Variants in XKR4 observed in about 807,000 individuals in gnomAD.
XKR4 encodes the protein XK-related protein 4.
A neutral mutation model predicts 53.9 loss-of-function variants in XKR4; 12 were observed. That is an observed-to-expected ratio of 0.22 (90% CI 0.14 to 0.36). XKR4 has a LOEUF of 0.36. Ranked by LOEUF, XKR4 falls within the 10% of genes least tolerant of loss-of-function variation. The pLI, the probability that XKR4 is intolerant of heterozygous loss-of-function variation, is 1.00. For synonymous variants in XKR4, 354 were observed against 362.4 expected, an observed-to-expected ratio of 0.98 and a Z score of 0.26; for missense variants, 799 against 859.5, an observed-to-expected ratio of 0.93 and a Z score of 0.88.
At chr8:55,418,691 A>T (rs192149866) in intron 2 of XKR4, among the ~76,000 whole-genome samples, 1 of 152,192 alleles carries the variant, frequency 6.6e-6, no homozygotes, top group Admixed American at 6.5e-5. Context: ...ATCGTCCCAG[A>T]TCTTCTCGGA....
intron 2 of XKR4, among the ~76,000 whole-genome samples, chr8:55,422,670 A>T (rs1435676910): frequency 3.9e-5 from 6 of 152,216 alleles, no homozygotes; most frequent in African/African-American, 1.4e-4. Context: ...CGGGTGGTTT[A>T]TTATTAACGC....
intron 1 of XKR4, among the ~76,000 whole-genome samples, chr8:55,199,586 G>A (rs541167854): frequency 5.9e-5 from 9 of 152,318 alleles, no homozygotes; most frequent in African/African-American, 2.2e-4. Flanking sequence ...CACCTGCGCA[G>A]AGTTTCAGAG....
chr8:55,453,609 G>T (rs78543961), intron 2 of XKR4: 1 of 412,294 alleles, frequency 2.4e-6, no homozygotes, highest in Non-Finnish European at 4.6e-6. Flanking sequence ...GGTGCACCTT[G>T]CATCTTGGCC....
intron 2 of XKR4, among the ~76,000 whole-genome samples, chr8:55,468,360 A>G (rs1440103314): frequency 2.0e-5 from 3 of 152,150 alleles, no homozygotes; most frequent in Non-Finnish European, 4.4e-5. Context: ...AGTATTTGAA[A>G]ACAGACAGAA....
At chr8:55,333,448 T>C (rs1210178349) in intron 1 of XKR4, among the ~76,000 whole-genome samples, 1 of 152,134 alleles carries the variant, frequency 6.6e-6, no homozygotes, top group African/African-American at 2.4e-5. Context: ...GCCTCTACCT[T>C]GGGCCTATGA....
intron 1 of XKR4, among the ~76,000 whole-genome samples, chr8:55,295,120 A>G (rs1819083741): frequency 1.3e-5 from 2 of 152,220 alleles, no homozygotes; most frequent in Non-Finnish European, 2.9e-5. Context: ...ACTCAGTGTA[A>G]GACACGAGGC....
At chr8:55,111,635 T>A (rs1238447552) in intron 1 of XKR4, among the ~76,000 whole-genome samples, 2 of 152,218 alleles carry the variant, frequency 1.3e-5, no homozygotes, top group Non-Finnish European at 2.9e-5. Flanking sequence ...TATCTACATA[T>A]TCGAAATGAT....
In XKR4 at chr8:55,526,547, C is replaced by T. The variant is rs1029302248; in HGVS notation, c.*2320C>T. 1 of 152,124 alleles carries T rather than the reference C, an allele frequency of 6.6e-6. No homozygotes were observed. The highest frequency in any genetic ancestry group is 1.9e-4 in the East Asian group (1 of 5,196). 9.4% of individuals were successfully genotyped at this position (152,124 alleles called of 1,614,324 possible). A position where few individuals can be genotyped will look rare whatever the true frequency, so the allele number is the denominator to read the frequency against. On this transcript the variant is annotated 3_prime_UTR_variant, in exon 3 of 3. Transcript: ENST00000327381. ...CCATCCCCACTGGAGAAGGAAAAAACGATTTTGGCAAATTCTTCACTTTTG... is the reference window on the plus strand; with the variant it reads ...CCATCCCCACTGGAGAAGGAAAAAATGATTTTGGCAAATTCTTCACTTTTG...
At chr8:55,255,550 G>C (rs2129370311) in intron 1 of XKR4, among the ~76,000 whole-genome samples, 1 of 152,112 alleles carries the variant, frequency 6.6e-6, no homozygotes, top group East Asian at 1.9e-4. Context: ...GTGATGCTTA[G>C]GCATAAAGAA....
intron 1 of XKR4, among the ~76,000 whole-genome samples, chr8:55,292,895 G>C (rs1483171275): frequency 6.6e-6 from 1 of 152,116 alleles, no homozygotes; most frequent in Admixed American, 6.6e-5. Context: ...TTTGGTCCAT[G>C]GGTTACTTAG....
chr8:55,227,410 T>G (rs1394470009), intron 1 of XKR4, among the ~76,000 whole-genome samples: 1 of 152,234 alleles, frequency 6.6e-6, no homozygotes, highest in Non-Finnish European at 1.5e-5. Flanking sequence ...ACTTGCTCAC[T>G]ACCCTCCCAA....
chr8:55,381,360 T>G (rs1585548019), intron 2 of XKR4, among the ~76,000 whole-genome samples: 1 of 152,302 alleles, frequency 6.6e-6, no homozygotes, highest in East Asian at 1.9e-4. Context: ...AGATGGGATT[T>G]ATTAGGGAAA....
At chr8:55,466,524 T>C (rs1026129080) in intron 2 of XKR4, among the ~76,000 whole-genome samples, 2 of 152,028 alleles carry the variant, frequency 1.3e-5, no homozygotes, top group Non-Finnish European at 2.9e-5. Flanking sequence ...TTAGGTGATA[T>C]ACCTAATGCT....
rs765740511 is a variant in XKR4 at position 55,524,732 on chromosome 8, G to T, written c.*505G>T. On this transcript the variant is annotated 3_prime_UTR_variant, in exon 3 of 3. Coordinates refer to ENST00000327381, the MANE Select transcript of XKR4 (RefSeq NM_052898.2). ...ACAAAGAAAGAGGGAAACATCCCTCGAGAAAAAAAATAGTATTGCTTAGAA... is the reference window on the plus strand; with the variant it reads ...ACAAAGAAAGAGGGAAACATCCCTCTAGAAAAAAAATAGTATTGCTTAGAA... 1 of 152,710 alleles carries T rather than the reference G, an allele frequency of 6.5e-6. No individual in the cohort carries two copies. Among genetic ancestry groups the T allele is most frequent in the African/African-American group, 2.4e-5 (1 of 41,372 alleles). 9.5% of individuals were successfully genotyped at this position (152,710 alleles called of 1,614,324 possible). A position where few individuals can be genotyped will look rare whatever the true frequency, so the allele number is the denominator to read the frequency against.
chr8:55,386,116 G>A (rs2622546), intron 2 of XKR4, among the ~76,000 whole-genome samples: 101,762 of 152,108 alleles, frequency 0.67, 34,724 homozygotes, highest in African/African-American at 0.8. Flanking sequence ...TATCCATTTT[G>A]TAGGACGAGG....
At chr8:55,448,700 C>A (rs1805378898) in intron 2 of XKR4, among the ~76,000 whole-genome samples, 1 of 152,134 alleles carries the variant, frequency 6.6e-6, no homozygotes, top group African/African-American at 2.4e-5. Flanking sequence ...TCCCACATGC[C>A]CTGCATAACA....
At chr8:55,438,390 AGCCTG>A (rs1714806609) in intron 2 of XKR4, among the ~76,000 whole-genome samples, 4 of 152,220 alleles carry the variant, frequency 2.6e-5, no homozygotes, top group Admixed American at 2.6e-4. Flanking sequence ...GTTCGAAACC[AGCCTG>A]GCCAACATGG....
chr8:55,437,737 T>C (rs1805197163), intron 2 of XKR4, among the ~76,000 whole-genome samples: 1 of 152,216 alleles, frequency 6.6e-6, no homozygotes. Context: ...GTTCTTGTTT[T>C]GCATGTGGCT....
At chr8:55,338,673 G>T (rs1803499573) in intron 1 of XKR4, among the ~76,000 whole-genome samples, 1 of 152,208 alleles carries the variant, frequency 6.6e-6, no homozygotes. Context: ...ATTGGCAGTG[G>T]CTGGAGTACA....
Sources: allele counts gnomAD v4.1 joint callset (sites outside exome capture counted in the v4.1 genomes callset), GRCh38; gene constraint gnomAD v4.1.1; transcripts MANE v1.5; gene names NCBI Gene and HGNC (gene_info 2026-07-23, HGNC 2026-07-21).